Variants in AFF3 observed in about 807,000 individuals in gnomAD.
AFF3 encodes the protein AF4/FMR2 family member 3.
AFF3 carries 32 observed loss-of-function variants against 129.7 expected under a neutral mutation model. The observed-to-expected ratio is 0.25, with a 90% confidence interval of 0.19 to 0.33. AFF3 has a LOEUF of 0.33. AFF3 is among the 10% of genes least tolerant of loss of function. AFF3 has a pLI of 1.00. For synonymous variants in AFF3, 644 were observed against 635.4 expected (o/e 1.01, Z -0.20); for missense variants, 1,373 against 1,592.0 (o/e 0.86, Z 2.34).
chr2:99,821,873 T>C (rs28620822), intron 8 of AFF3, among the ~76,000 whole-genome samples: 287 of 152,246 alleles, frequency 1.9e-3, no homozygotes, highest in African/African-American at 6.7e-3. Context: ...CAGTCTAACT[T>C]CTCACAAGCA....
intron 7 of AFF3, among the ~76,000 whole-genome samples, chr2:99,995,488 TCAACTTCC>T (rs1321569338): frequency 6.6e-6 from 1 of 152,006 alleles, no homozygotes; most frequent in Non-Finnish European, 1.5e-5. Flanking sequence ...TTCTCCTGCC[TCAACTTCC>T]CGAGTAGCTG....
Position 99,852,505 on chromosome 2 carries a change from T to C in AFF3, c.874-14981A>G, listed in dbSNP as rs572594963. 2.0e-5 allele frequency among the ~76,000 whole-genome samples: 3 copies of C among 152,298 alleles called. No homozygotes were observed. The South Asian group carries it at 6.2e-4, about 32-fold the overall frequency. ...TCATAATCTGCCTGTGCAAGAATTC[T>C]AGTTTCTAGAAAGTCACTGATTAAT... On this transcript the variant is annotated intron_variant, in intron 7 of 24. Transcript: ENST00000672756.
intron 4 of AFF3, among the ~76,000 whole-genome samples, chr2:100,092,949 G>A (rs918350711): frequency 6.6e-5 from 10 of 151,504 alleles, no homozygotes; most frequent in African/African-American, 2.4e-4. Context: ...CTAGAAATGT[G>A]GTCTCTTCAC....
At chr2:99,781,109 A>AT (rs1684372737) in intron 8 of AFF3, among the ~76,000 whole-genome samples, 1 of 152,130 alleles carries the variant, frequency 6.6e-6, no homozygotes, top group South Asian at 2.1e-4. Context: ...TTTAGTTACA[A>AT]TGATTTTCTC....
chr2:99,565,343 A>C, intron 20 of AFF3, 144 bp downstream of exon 20: 3 of 1,213,138 alleles, frequency 2.5e-6, no homozygotes, highest in South Asian at 3.2e-5. Flanking sequence ...GACGCCTTGC[A>C]CGACCTTACC....
chr2:99,819,429 A>T (rs769932752), intron 8 of AFF3, among the ~76,000 whole-genome samples: 7 of 152,370 alleles, frequency 4.6e-5, no homozygotes, highest in Admixed American at 2.0e-4. Flanking sequence ...GCTCGTCGCT[A>T]ATGAATCTGG....
intron 7 of AFF3, among the ~76,000 whole-genome samples, chr2:99,926,859 A>T (rs1696284020): frequency 6.6e-6 from 1 of 152,230 alleles, no homozygotes; most frequent in Non-Finnish European, 1.5e-5. Context: ...AAATTTAAAA[A>T]AAAAACATAA....
At chr2:99,770,063 T>C (rs551433415) in intron 8 of AFF3, among the ~76,000 whole-genome samples, 19 of 152,224 alleles carry the variant, frequency 1.2e-4, no homozygotes, top group Middle Eastern at 3.2e-3. Flanking sequence ...GGTTTGTGTC[T>C]TTCCCTTCAG....
At chr2:99,810,924 T>C (rs1686740968) in intron 8 of AFF3, among the ~76,000 whole-genome samples, 1 of 152,160 alleles carries the variant, frequency 6.6e-6, no homozygotes, top group Admixed American at 6.5e-5. Context: ...GATGCTCTCA[T>C]CTTTGGAATT....
chr2:99,808,438 C>G (rs1376128500), intron 8 of AFF3, among the ~76,000 whole-genome samples: 1 of 152,128 alleles, frequency 6.6e-6, no homozygotes, highest in Non-Finnish European at 1.5e-5. Flanking sequence ...CTTTGGCTAC[C>G]AGATGCCCAG....
intron 12 of AFF3, among the ~76,000 whole-genome samples, chr2:99,665,234 A>C (rs980095096): frequency 6.6e-6 from 1 of 152,258 alleles, no homozygotes; most frequent in Non-Finnish European, 1.5e-5. Context: ...GAATTACTTG[A>C]TCTGATTTTT....
intron 13 of AFF3, among the ~76,000 whole-genome samples, chr2:99,620,121 C>G (rs919851550): frequency 6.6e-6 from 1 of 152,128 alleles, no homozygotes; most frequent in African/African-American, 2.4e-5. Flanking sequence ...GACATCTGCC[C>G]CAGACCAACA....
At chr2:99,773,255 T>C (rs1158170777) in intron 8 of AFF3, among the ~76,000 whole-genome samples, 1 of 152,228 alleles carries the variant, frequency 6.6e-6, no homozygotes, top group East Asian at 1.9e-4. Context: ...CCCCTCTGTT[T>C]AGTTCACTGC....
intron 7 of AFF3, among the ~76,000 whole-genome samples, chr2:99,923,002 G>A (rs978378955): frequency 3.3e-5 from 5 of 152,192 alleles, no homozygotes; most frequent in East Asian, 1.9e-4. Context: ...TGCAGCACCC[G>A]GAGTAGCAAC....
At chr2:100,103,235 G>T (rs1047902464) in intron 4 of AFF3, among the ~76,000 whole-genome samples, 1 of 151,972 alleles carries the variant, frequency 6.6e-6, no homozygotes, top group Non-Finnish European at 1.5e-5. Flanking sequence ...TCATAAAGCA[G>T]TTTAGCTTTA....
Position 99,546,672 on chromosome 2 carries a change from T to A in AFF3, c.*4802A>T, listed in dbSNP as rs1351891384. The A allele has an allele frequency of 4.3e-6, 1 of 230,422 alleles. No homozygotes were observed. The highest frequency in any genetic ancestry group is 8.6e-6 in the Non-Finnish European group (1 of 116,426). The allele number at this position is 230,422 out of a possible 1,614,324, so 14.3% of individuals were successfully genotyped here. On this transcript the variant is annotated 3_prime_UTR_variant, in exon 25 of 25. Coordinates refer to ENST00000672756, the MANE Select transcript of AFF3 (RefSeq NM_001386135.1). Reference sequence around the variant, plus strand: ...ACCCTCCCACATAGGGGATGCTTCATGTCAAGCCACTGGTCTAATGCCTCC... The same window carrying A: ...ACCCTCCCACATAGGGGATGCTTCAAGTCAAGCCACTGGTCTAATGCCTCC...
At chr2:99,851,615 A>G (rs1690147787) in intron 7 of AFF3, among the ~76,000 whole-genome samples, 1 of 152,194 alleles carries the variant, frequency 6.6e-6, no homozygotes, top group Non-Finnish European at 1.5e-5. Flanking sequence ...TCCTTTTGTA[A>G]TTCTGGCTTT....
At chr2:100,001,661 C>G (rs529767414) in intron 7 of AFF3, among the ~76,000 whole-genome samples, 5 of 152,164 alleles carry the variant, frequency 3.3e-5, no homozygotes, top group Admixed American at 6.5e-5. Context: ...CTCCTGACCT[C>G]GTGATCCACC....
At chr2:100,069,155 T>C (rs1687970616) in intron 4 of AFF3, among the ~76,000 whole-genome samples, 1 of 152,120 alleles carries the variant, frequency 6.6e-6, no homozygotes, top group East Asian at 1.9e-4. Flanking sequence ...GATCATGCCC[T>C]TTGCAGGAAC....
Sources: gnomAD v4.1 joint callset for allele counts (sites outside exome capture counted in the v4.1 genomes callset) on GRCh38, gnomAD v4.1.1 for gene constraint, MANE v1.5 for transcripts, NCBI Gene and HGNC (gene_info 2026-07-23, HGNC 2026-07-21) for gene names.